Variants in ZNF341 observed in about 807,000 individuals in gnomAD.
ZNF341 encodes zinc finger protein 341.
In ZNF341, 52 loss-of-function variants were observed where a neutral mutation model predicts 87.7. The observed-to-expected ratio is 0.59, with a 90% CI of 0.47 to 0.75. The LOEUF is 0.75. ZNF341 is among the 30% of genes least tolerant of loss of function. ZNF341 has a pLI of 0.00. For synonymous variants in ZNF341, 459 were observed against 472.7 expected (o/e 0.97, Z 0.38); for missense variants, 977 against 1,145.9 (o/e 0.85, Z 2.13).
rs1409875787 is a variant in ZNF341, at chr20:33,791,450, T to C, written c.2498T>C (p.Leu833Pro). The C allele has an allele frequency of 5.0e-6, 8 of 1,607,888 alleles. No individual in the cohort carries two copies. Among genetic ancestry groups the C allele is most frequent in the Non-Finnish European group, 6.8e-6 (8 of 1,178,902 alleles). The change falls in exon 15 of 15, where the codon CTG becomes CCG. Residue 833 changes from leucine (L) to proline (P), a missense_variant. Physicochemically the swap from Leu to Pro is moderately conservative, Grantham distance 98. Coordinates refer to ENST00000375200, the MANE Select transcript of ZNF341 (RefSeq NM_001282933.2). Reference sequence around the variant, plus strand: ...GGCTCCAACCTGGCTCTGGCGGAGCTGCAGGCTGGGGCCGAGGGCCCATGT... The same window carrying C: ...GGCTCCAACCTGGCTCTGGCGGAGCCGCAGGCTGGGGCCGAGGGCCCATGT... ...GLGSNLALAE[L>P]QAGAEGPCAM...
chr20:33,733,469 C>G (rs2018621610), intron 1 of ZNF341, among the ~76,000 whole-genome samples: 1 of 151,738 alleles, frequency 6.6e-6, no homozygotes, highest in Non-Finnish European at 1.5e-5. Context: ...GATCTCGTGA[C>G]CTCGTGATCC....
chr20:33,741,283 A>G (rs377117795), intron 2 of ZNF341, among the ~76,000 whole-genome samples: 36 of 152,324 alleles, frequency 2.4e-4, no homozygotes, highest in African/African-American at 8.2e-4. Flanking sequence ...ATGCCTGACA[A>G]CAATGCCTGT....
At chr20:33,745,429 A>G in intron 3 of ZNF341, 130 bp downstream of exon 3, 1 of 876,990 alleles carries the variant, frequency 1.1e-6, no homozygotes, top group Non-Finnish European at 1.7e-6. Context: ...GTGGGGCGAG[A>G]TGGATGGTGC....
At chr20:33,748,246 A>T (rs1257408287) in intron 3 of ZNF341, among the ~76,000 whole-genome samples, 1 of 151,410 alleles carries the variant, frequency 6.6e-6, no homozygotes, top group Non-Finnish European at 1.5e-5. Context: ...TACTTTTTGT[A>T]TTTTTAGTAG....
At position 33,732,200 on chromosome 20, in the gene ZNF341, C is replaced by A; in HGVS notation, c.31+148C>A. ...AGCCGCGGGGCGGGAGGGGCGCGGGCGGGAACAGCGCGGGAGCCGAGGCCC... is the reference window on the plus strand; with the variant it reads ...AGCCGCGGGGCGGGAGGGGCGCGGGAGGGAACAGCGCGGGAGCCGAGGCCC... On this transcript the variant is annotated intron_variant, in intron 1 of 14. Coordinates refer to ENST00000375200, the MANE Select transcript of ZNF341 (RefSeq NM_001282933.2). The surrounding 1 kb of genome is among the most constrained non-coding windows in gnomAD (Gnocchi z 4.5). The A allele has an allele frequency of 1.7e-6, 1 of 585,290 alleles. No homozygotes were observed. The highest frequency in any genetic ancestry group is 2.1e-6 in the Non-Finnish European group (1 of 465,694). 36.3% of individuals were successfully genotyped at this position (585,290 alleles called of 1,614,324 possible).
At chr20:33,764,563 T>TA (rs2019365740) in intron 8 of ZNF341, among the ~76,000 whole-genome samples, 6 of 48,818 alleles carry the variant, frequency 1.2e-4, no homozygotes, top group African/African-American at 5.5e-4. Context: ...ATATATATAT[T>TA]TTTTTTTTTT....
chr20:33,745,671 C>T (rs373907807), intron 3 of ZNF341, among the ~76,000 whole-genome samples: 4 of 151,652 alleles, frequency 2.6e-5, no homozygotes, highest in Admixed American at 1.3e-4. Flanking sequence ...ATATAATTTC[C>T]GCAGTTACTT....
At chr20:33,766,485 G>A (rs1293256299) in intron 8 of ZNF341, among the ~76,000 whole-genome samples, 2 of 152,112 alleles carry the variant, frequency 1.3e-5, no homozygotes, top group Admixed American at 1.3e-4. Context: ...GTGAGCCATC[G>A]CACCCGGCCA....
intron 12 of ZNF341, chr20:33,788,485 C>G: frequency 3.6e-6 from 1 of 279,502 alleles, no homozygotes; most frequent in Non-Finnish European, 7.1e-6. Flanking sequence ...CCCATGCGGA[C>G]CTGGCTGGCT....
In ZNF341 at chr20:33,791,009, C is replaced by T. The variant is rs771542220; in HGVS notation, c.2057C>T (p.Ala686Val). The change falls in exon 15 of 15, where the codon GCC (alanine) becomes GTC (valine). Residue 686 changes from alanine to valine, a missense_variant. Ala to Val is a moderately conservative substitution (Grantham distance 64). Around this residue, in one of 3 missense-constraint regions of ZNF341, gnomAD observed 241 missense variants for 335.0 expected, o/e 0.72. Transcript: ENST00000375200. ...SHSGMKLHKC[A>V]LCSKSFSRRA... Reference sequence around the variant, plus strand: ...CCAGGCATGAAGCTCCACAAATGCGCCCTGTGCAGCAAGTCCTTCAGCCGC... The same window carrying T: ...CCAGGCATGAAGCTCCACAAATGCGTCCTGTGCAGCAAGTCCTTCAGCCGC... 8 of 1,612,766 alleles carry T rather than the reference C, an allele frequency of 5.0e-6. No homozygotes were observed. The East Asian group carries it at 6.7e-5, about 13-fold the overall frequency.
rs2019197558 is a variant in ZNF341 at position 33,757,287 on chromosome 20, ACT to A, written c.885_886del (p.Pro296SerfsTer9). ...ACCGGGGGCACGGTGGCCACCTTTG[ACT>A]CTCCAGCAACGCTGAAGACCCGACG... On this transcript the variant is annotated frameshift_variant, in exon 6 of 15. Coordinates refer to ENST00000375200, the MANE Select transcript of ZNF341 (RefSeq NM_001282933.2). LOFTEE classifies it high-confidence loss of function. The A allele has an allele frequency of 6.2e-7, 1 of 1,602,476 alleles. No homozygotes were observed. Among genetic ancestry groups the A allele is most frequent in the African/African-American group, 1.4e-5 (1 of 74,070 alleles).
intron 3 of ZNF341, among the ~76,000 whole-genome samples, chr20:33,747,632 AAAAAAAAAAAC>A (rs2018958882): frequency 1.5e-5 from 2 of 132,602 alleles, no homozygotes; most frequent in Non-Finnish European, 3.0e-5. Flanking sequence ...AAAAAAAAAA[AAAAAAAAAAAC>A]ACAGTCATTT....
chr20:33,775,410 C>A (rs1432695684), intron 10 of ZNF341, among the ~76,000 whole-genome samples: 1 of 151,686 alleles, frequency 6.6e-6, no homozygotes, highest in East Asian at 1.9e-4. Flanking sequence ...CGGGGTTTCA[C>A]CATGTTAGCC....
chr20:33,750,949 T>A (rs1282642612), intron 4 of ZNF341, among the ~76,000 whole-genome samples: 1 of 151,130 alleles, frequency 6.6e-6, no homozygotes, highest in South Asian at 2.1e-4. Context: ...CCTAAAAAAA[T>A]TTTTTTTTAG....
chr20:33,741,629 G>A (rs997849029), intron 2 of ZNF341, among the ~76,000 whole-genome samples: 2 of 151,954 alleles, frequency 1.3e-5, no homozygotes, highest in Non-Finnish European at 2.9e-5. Context: ...GGTCTCAAAC[G>A]CCTGACCTAA....
At chr20:33,769,242 C>A (rs906540486) in intron 9 of ZNF341, among the ~76,000 whole-genome samples, 1 of 151,938 alleles carries the variant, frequency 6.6e-6, no homozygotes, top group East Asian at 1.9e-4. Context: ...TAGGCAGGCT[C>A]CTTAGACAGC....
chr20:33,771,347 G>T (rs1249602976), intron 10 of ZNF341, among the ~76,000 whole-genome samples: 6 of 152,074 alleles, frequency 3.9e-5, no homozygotes, highest in Admixed American at 3.3e-4. Context: ...CCGGGCTCAG[G>T]TGATCCTCCC....
intron 10 of ZNF341, among the ~76,000 whole-genome samples, chr20:33,770,980 G>A (rs1292412229): frequency 6.6e-6 from 1 of 151,880 alleles, no homozygotes; most frequent in African/African-American, 2.4e-5. Flanking sequence ...AAATTAGCCG[G>A]GCGTGGTGGT....
chr20:33,763,787 A>AT (rs1445272411), intron 8 of ZNF341, among the ~76,000 whole-genome samples: 9 of 152,162 alleles, frequency 5.9e-5, no homozygotes, highest in African/African-American at 2.2e-4. Context: ...TAATGCTCCT[A>AT]TCCCTGATAT....
Sources: gnomAD v4.1 joint callset for allele counts (sites outside exome capture counted in the v4.1 genomes callset) on GRCh38, gnomAD v4.1.1 for gene constraint, gnomAD v4.1.1 regional missense constraint, Gnocchi (gnomAD v3.1) non-coding constraint, MANE v1.5 for transcripts, NCBI Gene and HGNC (gene_info 2026-07-23, HGNC 2026-07-21) for gene names.